PPP3CB: variants seen among roughly 807,000 people sequenced by gnomAD.
The protein encoded by PPP3CB is protein phosphatase 3 catalytic subunit beta.
PPP3CB carries 8 observed loss-of-function variants against 66.4 expected under a neutral mutation model. The ratio of observed to expected loss-of-function variants is 0.12; its 90% CI spans 0.07 to 0.22. The LOEUF is 0.22. PPP3CB is among the 10% of genes least tolerant of loss of function. The pLI, the probability that PPP3CB is intolerant of heterozygous loss-of-function variation, is 1.00. For synonymous variants in PPP3CB, 208 were observed against 221.2 expected (o/e 0.94, Z 0.53); for missense variants, 319 against 642.5 (o/e 0.50, Z 5.44).
At position 73,437,595 on chromosome 10, in the gene PPP3CB, C is replaced by T. The variant is rs1405167897; in HGVS notation, c.*647G>A. The T allele has an allele frequency of 1.3e-5, 2 of 152,538 alleles. No homozygotes were observed. Among genetic ancestry groups the T allele is most frequent in the Admixed American group, 1.3e-4 (2 of 15,276 alleles). 9.4% of individuals were successfully genotyped at this position (152,538 alleles called of 1,614,324 possible). A position where few individuals can be genotyped will look rare whatever the true frequency, so the allele number is the denominator to read the frequency against. On this transcript the variant is annotated 3_prime_UTR_variant, in exon 14 of 14. Transcript: ENST00000360663. The stretch of plus-strand genomic sequence containing the variant: ...TTAAAAGATCTGGGCAAAAAAGACT[C>T]TAAATTAGTTTTTGGATTTGTGTTC...
chr10:73,458,549 C>T (rs2056467633), intron 9 of PPP3CB, among the ~76,000 whole-genome samples: 1 of 151,842 alleles, frequency 6.6e-6, no homozygotes, highest in African/African-American at 2.4e-5. Context: ...TGCCTGTCAC[C>T]CTAGCACCCT....
At chr10:73,445,749 CTTTT>C (rs1208013891) in intron 11 of PPP3CB, among the ~76,000 whole-genome samples, 1 of 129,612 alleles carries the variant, frequency 7.7e-6, no homozygotes. Flanking sequence ...CCTAAGTACC[CTTTT>C]TTTTTTTTTT....
chr10:73,484,550 C>T (rs2056940285), intron 1 of PPP3CB, among the ~76,000 whole-genome samples: 1 of 149,796 alleles, frequency 6.7e-6, no homozygotes, highest in African/African-American at 2.5e-5. Flanking sequence ...GGATTACAGG[C>T]GTGGAGCCAC....
At chr10:73,492,595 A>T (rs1341167306) in intron 1 of PPP3CB, among the ~76,000 whole-genome samples, 1 of 152,242 alleles carries the variant, frequency 6.6e-6, no homozygotes, top group Non-Finnish European at 1.5e-5. Context: ...TATTTCCTAC[A>T]TAGCTAAAGA....
intron 10 of PPP3CB, chr10:73,448,590 T>C: frequency 1.9e-6 from 1 of 531,228 alleles, no homozygotes; most frequent in Non-Finnish European, 3.9e-6. Context: ...TCAATGAATG[T>C]GCTAACTTAC....
chr10:73,446,034 A>C (rs2056244473), intron 11 of PPP3CB, among the ~76,000 whole-genome samples: 2 of 151,678 alleles, frequency 1.3e-5, no homozygotes, highest in Admixed American at 1.3e-4. Flanking sequence ...GGCGTGAGCC[A>C]CCACGCCTGG....
chr10:73,489,433 G>A (rs948560422), intron 1 of PPP3CB, among the ~76,000 whole-genome samples: 41 of 122,458 alleles, frequency 3.3e-4, no homozygotes, highest in South Asian at 1.2e-3. Context: ...TAATAATAAT[G>A]GTGATGGTTA....
intron 1 of PPP3CB, among the ~76,000 whole-genome samples, chr10:73,487,963 T>C (rs182780198): frequency 2.0e-5 from 3 of 152,082 alleles, no homozygotes; most frequent in Non-Finnish European, 4.4e-5. Flanking sequence ...ATATTTTTAA[T>C]AGAGACGGGG....
Position 73,438,542 on chromosome 10 carries a change from T to A in PPP3CB, c.1397-122A>T. On this transcript the variant is annotated intron_variant, in intron 13 of 13. Coordinates refer to ENST00000360663, the MANE Select transcript of PPP3CB (RefSeq NM_021132.4). ...GCTGTAAGTAGCAACACATAAATCT[T>A]ACTTTAACTGAATCCTATCCTCATT... The A allele has an allele frequency of 5.0e-6, 4 of 802,642 alleles. No individual in the cohort carries two copies. The South Asian group carries it at 6.5e-5, about 13-fold the overall frequency. The allele number at this position is 802,642 out of a possible 1,614,324, so 49.7% of individuals were successfully genotyped here.
intron 4 of PPP3CB, among the ~76,000 whole-genome samples, chr10:73,473,687 C>G (rs1006591281): frequency 6.6e-6 from 1 of 151,580 alleles, no homozygotes; most frequent in South Asian, 2.1e-4. Context: ...TAAAAAAGCA[C>G]AAAGGTTTGA....
chr10:73,461,283 C>T (rs946962642), intron 9 of PPP3CB, among the ~76,000 whole-genome samples: 3 of 152,206 alleles, frequency 2.0e-5, no homozygotes, highest in East Asian at 3.9e-4. Flanking sequence ...CCTGTCTCTA[C>T]TAAAAATACA....
intron 13 of PPP3CB, among the ~76,000 whole-genome samples, chr10:73,439,468 G>A (rs1243220869): frequency 6.6e-6 from 1 of 152,094 alleles, no homozygotes; most frequent in East Asian, 1.9e-4. Context: ...ACCTAGAGGA[G>A]GATTCACTTA....
intron 9 of PPP3CB, among the ~76,000 whole-genome samples, chr10:73,463,915 G>GT (rs1319077133): frequency 1.3e-5 from 2 of 151,274 alleles, no homozygotes; most frequent in Admixed American, 6.6e-5. Context: ...GATTACAGGC[G>GT]TAAGCCACTG....
intron 9 of PPP3CB, among the ~76,000 whole-genome samples, chr10:73,457,003 T>TATGCTTTAAATAGATGAATTGC (rs1300018623): frequency 1.3e-5 from 2 of 152,092 alleles, no homozygotes; most frequent in African/African-American, 4.8e-5. Context: ...AACTGAATTG[T>TATGCTTTAAATAGATGAATTGC]ATGCTTTAAA....
intron 4 of PPP3CB, among the ~76,000 whole-genome samples, chr10:73,474,301 A>G (rs1294763198): frequency 6.6e-6 from 1 of 152,088 alleles, no homozygotes; most frequent in Non-Finnish European, 1.5e-5. Context: ...TCGGCCTCCC[A>G]AAGTGCTGGG....
At chr10:73,491,730 G>C (rs1428465870) in intron 1 of PPP3CB, among the ~76,000 whole-genome samples, 1 of 152,064 alleles carries the variant, frequency 6.6e-6, no homozygotes, top group African/African-American at 2.4e-5. Context: ...CATTTTGGGA[G>C]GCCAGGGTGG....
chr10:73,443,336 A>AAGAG (rs1362024005), intron 12 of PPP3CB, among the ~76,000 whole-genome samples: 1 of 139,438 alleles, frequency 7.2e-6, no homozygotes, highest in African/African-American at 2.6e-5. Context: ...AAGAAAAAGA[A>AAGAG]AGAGAAGAGA....
At chr10:73,474,885 A>G in intron 4 of PPP3CB, 34 bp downstream of exon 4, 1 of 1,609,696 alleles carries the variant, frequency 6.2e-7, no homozygotes, top group South Asian at 1.1e-5. Context: ...AAGAATACTG[A>G]GGAAGTGAAA....
chr10:73,476,154 C>A (rs1331076698), intron 3 of PPP3CB, among the ~76,000 whole-genome samples: 5 of 152,176 alleles, frequency 3.3e-5, no homozygotes, highest in Middle Eastern at 3.4e-3. Flanking sequence ...CCACCACACC[C>A]AACAAAACTT....
Sources: allele counts gnomAD v4.1 joint callset (sites outside exome capture counted in the v4.1 genomes callset), GRCh38; gene constraint gnomAD v4.1.1; transcripts MANE v1.5; gene names NCBI Gene and HGNC (gene_info 2026-07-23, HGNC 2026-07-21).